Variants in TMEM132B observed in about 807,000 individuals in gnomAD.
TMEM132B encodes transmembrane protein 132B.
A neutral mutation model predicts 90.8 loss-of-function variants in TMEM132B; 18 were observed. The observed-to-expected ratio is 0.20, with a 90% confidence interval of 0.14 to 0.29. The LOEUF is 0.29. TMEM132B is among the 10% of genes least tolerant of loss of function. The pLI is 1.00. For missense variants in TMEM132B, 1,096 were observed against 1,326.8 expected, an observed-to-expected ratio of 0.83 and a Z score of 2.70; for synonymous variants, 504 against 523.3, an observed-to-expected ratio of 0.96 and a Z score of 0.50.
chr12:125,438,964 C>A (rs1241029984), intron 3 of TMEM132B, among the ~76,000 whole-genome samples: 2 of 152,156 alleles, frequency 1.3e-5, no homozygotes, highest in African/African-American at 4.8e-5. Flanking sequence ...TTTTCCCATT[C>A]TTCTGTTGAG....
chr12:125,348,216 T>TA (rs79617023), intron 1 of TMEM132B, among the ~76,000 whole-genome samples: 46,920 of 152,076 alleles, frequency 0.31, 7,407 homozygotes, highest in Admixed American at 0.39. Context: ...TATTCCACTG[T>TA]AAATGTTTAG....
chr12:125,404,336 C>T (rs1168334314), intron 2 of TMEM132B, among the ~76,000 whole-genome samples: 3 of 152,018 alleles, frequency 2.0e-5, no homozygotes, highest in Non-Finnish European at 4.4e-5. Flanking sequence ...GAGACATTTG[C>T]CTTTGCCTAG....
At chr12:125,446,069 T>C (rs576932861) in intron 3 of TMEM132B, among the ~76,000 whole-genome samples, 1 of 152,400 alleles carries the variant, frequency 6.6e-6, no homozygotes, top group African/African-American at 2.4e-5. Flanking sequence ...TGTTCCTTTC[T>C]TGGATACTTT....
rs1879587260 is a variant in TMEM132B at position 125,408,674 on chromosome 12, G to T, written c.960-6857G>T. Among the ~76,000 whole-genome samples, 1 of 152,204 alleles carries T rather than the reference G, an allele frequency of 6.6e-6. No homozygotes were observed. Among genetic ancestry groups the T allele is most frequent in the Admixed American group, 6.5e-5 (1 of 15,290 alleles). On this transcript the variant is annotated intron_variant, in intron 2 of 8. Coordinates refer to ENST00000682704, the MANE Select transcript of TMEM132B (RefSeq NM_001366854.1). The surrounding 1 kb of genome is among the most constrained non-coding windows in gnomAD (Gnocchi z 5.9). ...TTTGGGCTGATGGCAGGGCTGTCGT[G>T]CACCTTCTTGTATGTGTGTCTTGGG...
At chr12:125,538,983 G>A (rs1382034337) in intron 4 of TMEM132B, among the ~76,000 whole-genome samples, 1 of 152,082 alleles carries the variant, frequency 6.6e-6, no homozygotes, top group Non-Finnish European at 1.5e-5. Flanking sequence ...CAGCACCCGA[G>A]CCCAGCCACC....
At chr12:125,357,479 A>C (rs562937440) in intron 2 of TMEM132B, among the ~76,000 whole-genome samples, 5 of 152,350 alleles carry the variant, frequency 3.3e-5, no homozygotes, top group Middle Eastern at 3.4e-3. Flanking sequence ...AACTCATATG[A>C]ATGCATTTAG....
At chr12:125,352,250 A>G (rs2136236393) in intron 2 of TMEM132B, among the ~76,000 whole-genome samples, 1 of 152,372 alleles carries the variant, frequency 6.6e-6, no homozygotes, top group African/African-American at 2.4e-5. Context: ...ATGAATTCCA[A>G]CTTCTAAATA....
In TMEM132B at chr12:125,350,233, G is replaced by C; in HGVS notation, c.849G>C (p.Leu283Phe). ...QDDLKWSLVS[L>F]DENVVISVPL... ...ATCTGAAGTGGTCCCTGGTGAGCTT[G>C]GACGAGAATGTGGTCATCTCGGTAC... is the stretch of plus-strand genomic sequence containing the variant. The change falls in exon 2 of 9, where the codon TTG becomes TTC. Residue 283 changes from leucine to phenylalanine, a missense_variant. Physicochemically the swap from Leu to Phe is conservative, Grantham distance 22 (BLOSUM62 0). Transcript: ENST00000682704. 6.2e-7 allele frequency: 1 copy of C among 1,614,166 alleles called. No individual in the cohort carries two copies. The highest frequency in any genetic ancestry group is 8.5e-7 in the Non-Finnish European group (1 of 1,180,042).
chr12:125,527,966 G>A (rs1317826886), intron 4 of TMEM132B, among the ~76,000 whole-genome samples: 5 of 152,198 alleles, frequency 3.3e-5, no homozygotes, highest in Admixed American at 6.5e-5. Context: ...ATTTCTAGCA[G>A]AGCAGCACAG....
At chr12:125,270,366 G>A (rs1002983088) in intron 1 of TMEM132B, among the ~76,000 whole-genome samples, 1 of 152,146 alleles carries the variant, frequency 6.6e-6, no homozygotes, top group Non-Finnish European at 1.5e-5. Context: ...CACTTTCCAA[G>A]AAGTTGCATG....
chr12:125,422,681 T>G lies in TMEM132B; in HGVS notation c.1106+7004T>G, dbSNP rs536004083. Among the ~76,000 whole-genome samples, 33 of 152,258 alleles carry G rather than the reference T, an allele frequency of 2.2e-4. No homozygotes were observed. The South Asian group carries it at 6.9e-3, about 32-fold the overall frequency. On this transcript the variant is annotated intron_variant, in intron 3 of 8. Coordinates refer to ENST00000682704, the MANE Select transcript of TMEM132B (RefSeq NM_001366854.1). The stretch of plus-strand genomic sequence containing the variant: ...CTAAATCCAAGGACTGGTGTCGTTT[T>G]AAGAGACACACAGAGGAAACGGCCA...
chr12:125,271,764 C>A (rs948967409), intron 1 of TMEM132B, among the ~76,000 whole-genome samples: 2 of 151,662 alleles, frequency 1.3e-5, no homozygotes, highest in Admixed American at 1.3e-4. Flanking sequence ...AATATATTAC[C>A]TTTTTAAATA....
chr12:125,450,594 C>A (rs1053299862), intron 3 of TMEM132B, among the ~76,000 whole-genome samples: 1 of 152,124 alleles, frequency 6.6e-6, no homozygotes, highest in African/African-American at 2.4e-5. Context: ...ATTGAAAAAA[C>A]CCCAGAATTT....
Position 125,502,119 on chromosome 12 carries a change from T to C in TMEM132B, c.1107-17320T>C, listed in dbSNP as rs77333698. 5.7e-3 allele frequency among the ~76,000 whole-genome samples: 864 copies of C among 152,350 alleles called. 7 individuals carry two copies. The highest frequency in any genetic ancestry group is 0.02 in the African/African-American group (814 of 41,584). On this transcript the variant is annotated intron_variant, in intron 3 of 8. Coordinates refer to ENST00000682704, the MANE Select transcript of TMEM132B (RefSeq NM_001366854.1). ...TACACTTTGGGATCTTTGCCCTTGC[T>C]GTTCCCCTTGCCTGGAACCCTGATC...
intron 1 of TMEM132B, among the ~76,000 whole-genome samples, chr12:125,294,092 T>C (rs553979275): frequency 5.7e-4 from 87 of 152,278 alleles, no homozygotes; most frequent in African/African-American, 2.0e-3. Flanking sequence ...AGCCTCAGAG[T>C]CAGCCTTGTC....
At chr12:125,471,634 C>T (rs960936910) in intron 3 of TMEM132B, among the ~76,000 whole-genome samples, 40 of 152,298 alleles carry the variant, frequency 2.6e-4, no homozygotes, top group Admixed American at 9.2e-4. Context: ...AGGAGTACAG[C>T]GCCCTGCTCA....
At chr12:125,242,935 CT>C (rs1037644189) in intron 1 of TMEM132B, among the ~76,000 whole-genome samples, 54 of 150,418 alleles carry the variant, frequency 3.6e-4, no homozygotes, top group Non-Finnish European at 1.6e-4. Context: ...AGAACATTTT[CT>C]TTTTTTCAAT....
chr12:125,222,727 T>C (rs1873588244), intron 1 of TMEM132B, among the ~76,000 whole-genome samples: 1 of 152,246 alleles, frequency 6.6e-6, no homozygotes, highest in Non-Finnish European at 1.5e-5. Context: ...TCCTGGGAAT[T>C]GTAGGATGTT....
chr12:125,542,025 C>CAAAA (rs71306285), intron 4 of TMEM132B, among the ~76,000 whole-genome samples: 6 of 23,306 alleles, frequency 2.6e-4, no homozygotes, highest in East Asian at 1.1e-3. Context: ...ACCCCCGTCT[C>CAAAA]AAAAAAAAAA....
Sources: allele counts gnomAD v4.1 joint callset (sites outside exome capture counted in the v4.1 genomes callset), GRCh38; gene constraint gnomAD v4.1.1; non-coding constraint Gnocchi (gnomAD v3.1); transcripts MANE v1.5; gene names NCBI Gene and HGNC (gene_info 2026-07-23, HGNC 2026-07-21).